Variants in FUT9 observed in about 807,000 individuals in gnomAD.
FUT9 encodes the protein 4-galactosyl-N-acetylglucosaminide 3-alpha-L-fucosyltransferase 9.
FUT9 carries 15 observed loss-of-function variants against 29.7 expected under a neutral mutation model. That is an observed-to-expected ratio of 0.51 (90% confidence interval 0.34 to 0.78). The LOEUF is 0.78. Ranked by LOEUF, FUT9 falls within the 30% of genes least tolerant of loss-of-function variation. The probability of loss-of-function intolerance (pLI) is 0.01; values close to 1 mark genes in which losing one functional copy is unlikely to be tolerated. For missense variants in FUT9, 319 were observed against 425.4 expected, an observed-to-expected ratio of 0.75 and a Z score of 2.20; for synonymous variants, 169 against 153.7, an observed-to-expected ratio of 1.10 and a Z score of -0.74.
chr6:96,186,175 T>C (rs1450028088), intron 2 of FUT9, among the ~76,000 whole-genome samples: 1 of 152,180 alleles, frequency 6.6e-6, no homozygotes, highest in Non-Finnish European at 1.5e-5. Flanking sequence ...TTTTATCATA[T>C]TATTTCTTAG....
chr6:96,033,382 A>G (rs946064475), intron 1 of FUT9, among the ~76,000 whole-genome samples: 2 of 151,636 alleles, frequency 1.3e-5, no homozygotes, highest in Non-Finnish European at 3.0e-5. Context: ...TCTATTGAAT[A>G]GAAGCATTTT....
chr6:96,070,627 C>G (rs1324242102), intron 1 of FUT9, among the ~76,000 whole-genome samples: 1 of 152,036 alleles, frequency 6.6e-6, no homozygotes. Context: ...GCAGAGGTTA[C>G]AGTGAGCCGA....
intron 2 of FUT9, among the ~76,000 whole-genome samples, chr6:96,169,491 G>A (rs986283847): frequency 3.3e-5 from 5 of 152,128 alleles, no homozygotes; most frequent in Non-Finnish European, 5.9e-5. Context: ...ATTATTGCTA[G>A]GTGTGGAGGG....
At chr6:96,020,758 G>A (rs1770053068) in intron 1 of FUT9, 1 of 152,074 alleles carries the variant, frequency 6.6e-6, no homozygotes, top group Admixed American at 6.6e-5. Context: ...TAAACTAGGG[G>A]AACCAGTGAT....
intron 1 of FUT9, among the ~76,000 whole-genome samples, chr6:96,081,465 T>C (rs1771236094): frequency 6.6e-6 from 1 of 151,902 alleles, no homozygotes; most frequent in South Asian, 2.1e-4. Flanking sequence ...ATACGTCTAT[T>C]TGTAGTTCAT....
At chr6:96,058,044 T>G (rs1325072) in intron 1 of FUT9, among the ~76,000 whole-genome samples, 82,604 of 151,508 alleles carry the variant, frequency 0.55, 22,627 homozygotes, top group South Asian at 0.63. Context: ...TGCTTGATCT[T>G]GTTTGATATT....
chr6:96,089,619 T>C (rs1771377267), intron 1 of FUT9, among the ~76,000 whole-genome samples: 1 of 152,180 alleles, frequency 6.6e-6, no homozygotes, highest in Non-Finnish European at 1.5e-5. Flanking sequence ...ACAGTATACA[T>C]CGATCTCACC....
intron 1 of FUT9, among the ~76,000 whole-genome samples, chr6:96,033,640 G>A (rs1025900102): frequency 6.6e-6 from 1 of 151,594 alleles, no homozygotes; most frequent in East Asian, 1.9e-4. Flanking sequence ...TAGACCAGTT[G>A]TATAAATAGC....
Position 96,160,949 on chromosome 6 carries a change from T to G in FUT9, c.-8-42199T>G, listed in dbSNP as rs140108897. ...GAAAGACAATATTCTGTTTTTAAACTATGATTTTGAAAACGTGAATTGTAA... is the reference window on the plus strand; with the variant it reads ...GAAAGACAATATTCTGTTTTTAAACGATGATTTTGAAAACGTGAATTGTAA... On this transcript the variant is annotated intron_variant, in intron 2 of 2. Coordinates refer to ENST00000302103, the MANE Select transcript of FUT9 (RefSeq NM_006581.4). 3.1e-3 allele frequency among the ~76,000 whole-genome samples: 467 copies of G among 152,286 alleles called. 1 individual carries two copies. The highest frequency in any genetic ancestry group is 9.9e-3 in the African/African-American group (413 of 41,564).
chr6:96,200,388 G>A (rs558961231), intron 2 of FUT9, among the ~76,000 whole-genome samples: 5 of 152,128 alleles, frequency 3.3e-5, no homozygotes, highest in Non-Finnish European at 7.4e-5. Context: ...GATTACAGAA[G>A]GAAAGAGAGA....
At chr6:96,188,379 G>C (rs1370513272) in intron 2 of FUT9, among the ~76,000 whole-genome samples, 1 of 151,944 alleles carries the variant, frequency 6.6e-6, no homozygotes, top group Admixed American at 6.6e-5. Context: ...CAATTTTTCT[G>C]TCTCAGCCTC....
intron 2 of FUT9, among the ~76,000 whole-genome samples, chr6:96,195,204 T>C (rs1773601346): frequency 6.6e-6 from 1 of 151,960 alleles, no homozygotes; most frequent in Non-Finnish European, 1.5e-5. Context: ...AGAAAGAATT[T>C]TAAAAAGACA....
At chr6:96,047,031 G>A (rs926105721) in intron 1 of FUT9, among the ~76,000 whole-genome samples, 1 of 152,116 alleles carries the variant, frequency 6.6e-6, no homozygotes. Context: ...ATGCTTAAAT[G>A]GCAAATCCAA....
At chr6:96,172,097 AG>A (rs1169200649) in intron 2 of FUT9, among the ~76,000 whole-genome samples, 2 of 152,114 alleles carry the variant, frequency 1.3e-5, no homozygotes. Context: ...GTTCTGGTGA[AG>A]GATCTCTTCT....
At chr6:96,164,552 T>A (rs1324881341) in intron 2 of FUT9, among the ~76,000 whole-genome samples, 1 of 152,032 alleles carries the variant, frequency 6.6e-6, no homozygotes. Context: ...GCCACATTAT[T>A]CCAGGTAGCA....
chr6:96,035,729 A>C (rs1486037263), intron 1 of FUT9, among the ~76,000 whole-genome samples: 1 of 137,270 alleles, frequency 7.3e-6, no homozygotes, highest in Non-Finnish European at 1.5e-5. Flanking sequence ...TAATAAATAT[A>C]ACATATTTAT....
At chr6:96,134,943 C>T (rs919731043) in intron 2 of FUT9, among the ~76,000 whole-genome samples, 15 of 151,848 alleles carry the variant, frequency 9.9e-5, no homozygotes, top group East Asian at 1.9e-4. Flanking sequence ...TATTTGTCCT[C>T]GGTCCCCCAT....
At chr6:96,159,912 G>A (rs893782069) in intron 2 of FUT9, among the ~76,000 whole-genome samples, 1 of 152,006 alleles carries the variant, frequency 6.6e-6, no homozygotes, top group Admixed American at 6.6e-5. Context: ...TATGGCCACA[G>A]CTACTTTCTG....
At chr6:96,116,850 A>AG (rs574676529) in intron 2 of FUT9, among the ~76,000 whole-genome samples, 15 of 152,290 alleles carry the variant, frequency 9.8e-5, no homozygotes, top group African/African-American at 2.6e-4. Context: ...GAAATTTTAA[A>AG]GGGGGGTGGA....
Sources: allele counts gnomAD v4.1 joint callset (sites outside exome capture counted in the v4.1 genomes callset), GRCh38; gene constraint gnomAD v4.1.1; transcripts MANE v1.5; gene names NCBI Gene and HGNC (gene_info 2026-07-23, HGNC 2026-07-21).